The following CDH2 variants were observed in gnomAD, a reference collection of about 807,000 sequenced individuals.
The protein encoded by CDH2 is cadherin 2.
A neutral mutation model predicts 92.0 loss-of-function variants in CDH2; 17 were observed. That is an observed-to-expected ratio of 0.18 (90% confidence interval 0.13 to 0.28). The LOEUF (loss-of-function observed/expected upper bound fraction) is 0.28. Ranked by LOEUF, CDH2 falls within the 10% of genes least tolerant of loss-of-function variation. CDH2 has a pLI of 1.00. For missense variants in CDH2, 862 were observed against 1,133.1 expected, an observed-to-expected ratio of 0.76 and a Z score of 3.44; for synonymous variants, 419 against 415.9, an observed-to-expected ratio of 1.01 and a Z score of -0.09.
chr18:28,007,461 C>T (rs2012971494), intron 5 of CDH2, among the ~76,000 whole-genome samples: 1 of 151,600 alleles, frequency 6.6e-6, no homozygotes, highest in Non-Finnish European at 1.5e-5. Flanking sequence ...GCTGGATACA[C>T]TCTATCAAAT....
chr18:28,059,878 T>A (rs1416149005), intron 2 of CDH2, among the ~76,000 whole-genome samples: 1 of 152,240 alleles, frequency 6.6e-6, no homozygotes, highest in Non-Finnish European at 1.5e-5. Flanking sequence ...CATCCTCTTT[T>A]TCCTTTCAAA....
chr18:28,090,108 A>G (rs71353457), intron 2 of CDH2, among the ~76,000 whole-genome samples: 11 of 152,212 alleles, frequency 7.2e-5, no homozygotes, highest in Non-Finnish European at 1.5e-4. Context: ...CTTTCTGAAT[A>G]TAAGTATCAA....
At chr18:28,049,115 C>A (rs1219895005) in intron 2 of CDH2, among the ~76,000 whole-genome samples, 1 of 151,968 alleles carries the variant, frequency 6.6e-6, no homozygotes, top group Non-Finnish European at 1.5e-5. Context: ...GGTGTCACGA[C>A]ATCTATTGGA....
intron 6 of CDH2, among the ~76,000 whole-genome samples, chr18:28,005,192 C>T (rs191004958): frequency 5.3e-5 from 8 of 152,210 alleles, no homozygotes; most frequent in Non-Finnish European, 8.8e-5. Flanking sequence ...ATTTTTAATA[C>T]GAGAATCTAA....
intron 2 of CDH2, among the ~76,000 whole-genome samples, chr18:28,057,195 A>G (rs956468080): frequency 6.6e-6 from 1 of 152,204 alleles, no homozygotes; most frequent in Non-Finnish European, 1.5e-5. Flanking sequence ...TTAAGAACCT[A>G]TCATTGGACT....
chr18:28,068,128 G>A (rs563614034), intron 2 of CDH2, among the ~76,000 whole-genome samples: 42 of 152,170 alleles, frequency 2.8e-4, no homozygotes, highest in African/African-American at 7.9e-4. Flanking sequence ...AAATCCTTCC[G>A]AAACACAAGG....
chr18:28,007,165 A>AAAATATATATATATAT (rs1172779200), intron 5 of CDH2, among the ~76,000 whole-genome samples: 3 of 110,500 alleles, frequency 2.7e-5, no homozygotes, highest in Non-Finnish European at 5.1e-5. Context: ...ATAAAAAAAA[A>AAAATATATATATATAT]ATATATATAT....
chr18:27,960,496 A>G (rs1200997179), intron 15 of CDH2, among the ~76,000 whole-genome samples: 2 of 152,168 alleles, frequency 1.3e-5, no homozygotes, highest in East Asian at 3.9e-4. Flanking sequence ...TGAAGTTGGA[A>G]AGCCAAATAA....
chr18:28,035,390 T>C (rs1048994325), intron 2 of CDH2, among the ~76,000 whole-genome samples: 1 of 152,034 alleles, frequency 6.6e-6, no homozygotes, highest in Admixed American at 6.6e-5. Flanking sequence ...ACAAGCAACT[T>C]TGCTGAATAT....
At chr18:28,022,472 C>T (rs1049044369) in intron 2 of CDH2, among the ~76,000 whole-genome samples, 1 of 151,942 alleles carries the variant, frequency 6.6e-6, no homozygotes, top group East Asian at 1.9e-4. Flanking sequence ...TGTATGTCTC[C>T]TGATTGAAAT....
At chr18:28,029,775 T>C (rs1470236629) in intron 2 of CDH2, among the ~76,000 whole-genome samples, 1 of 152,106 alleles carries the variant, frequency 6.6e-6, no homozygotes, top group African/African-American at 2.4e-5. Context: ...TCTAGGGTTC[T>C]GCCTAGGAGA....
chr18:28,120,107 C>T (rs1425917100), intron 2 of CDH2, among the ~76,000 whole-genome samples: 1 of 151,980 alleles, frequency 6.6e-6, no homozygotes, highest in Non-Finnish European at 1.5e-5. Flanking sequence ...ACAGCCAAAA[C>T]TGCATTTTGC....
At chr18:28,064,543 A>G (rs1489460774) in intron 2 of CDH2, among the ~76,000 whole-genome samples, 1 of 152,110 alleles carries the variant, frequency 6.6e-6, no homozygotes, top group Non-Finnish European at 1.5e-5. Flanking sequence ...GTGGCAAAAT[A>G]AGAAAAAATA....
At chr18:28,152,263 G>T (rs182617746) in intron 1 of CDH2, among the ~76,000 whole-genome samples, 14 of 152,176 alleles carry the variant, frequency 9.2e-5, no homozygotes, top group Admixed American at 5.2e-4. Context: ...GAGAGAAAGG[G>T]CAGGATTCAA....
intron 2 of CDH2, among the ~76,000 whole-genome samples, chr18:28,050,876 A>G (rs905448484): frequency 6.6e-6 from 1 of 152,236 alleles, no homozygotes; most frequent in African/African-American, 2.4e-5. Flanking sequence ...CTTTTTAAAA[A>G]GCTTATTTCT....
intron 6 of CDH2, among the ~76,000 whole-genome samples, chr18:27,936,792 C>T (rs181398003): frequency 4.1e-4 from 62 of 152,158 alleles, no homozygotes; most frequent in Non-Finnish European, 6.6e-4. Flanking sequence ...GCCTTGGCTC[C>T]CAAAGTGCTG....
chr18:27,945,448 GAC>G (rs1202894442), intron 6 of CDH2, among the ~76,000 whole-genome samples: 1 of 147,216 alleles, frequency 6.8e-6, no homozygotes, highest in Middle Eastern at 3.6e-3. Context: ...TCAAAAAAGT[GAC>G]AGTTCAGGAT....
intron 2 of CDH2, among the ~76,000 whole-genome samples, chr18:28,041,795 TC>T (rs1472450661): frequency 1.1e-4 from 16 of 152,204 alleles, no homozygotes; most frequent in Admixed American, 6.5e-5. Context: ...ATCAATATTT[TC>T]TTGTACCTTA....
chr18:28,030,200 T>C (rs1249958181), intron 2 of CDH2, among the ~76,000 whole-genome samples: 1 of 152,032 alleles, frequency 6.6e-6, no homozygotes, highest in Non-Finnish European at 1.5e-5. Flanking sequence ...TAACTTACAG[T>C]AGACATTTGA....
Sources: gnomAD v4.1 joint callset for allele counts (sites outside exome capture counted in the v4.1 genomes callset) on GRCh38, gnomAD v4.1.1 for gene constraint, MANE v1.5 for transcripts, NCBI Gene and HGNC (gene_info 2026-07-23, HGNC 2026-07-21) for gene names.